The following EVL variants were observed in gnomAD, a reference collection of about 807,000 sequenced individuals.
The protein encoded by EVL is Enah/Vasp-like.
A neutral mutation model predicts 59.6 loss-of-function variants in EVL; 21 were observed. The observed-to-expected ratio is 0.35, with a 90% CI of 0.25 to 0.51. EVL has a LOEUF of 0.51. EVL is among the 20% of genes least tolerant of loss of function. The pLI is 0.97. For missense variants in EVL, 462 were observed against 546.6 expected (o/e 0.85, Z 1.54); for synonymous variants, 198 against 203.5 (o/e 0.97, Z 0.23).
chr14:100,141,693 C>T (rs1889178032), intron 12 of EVL, 43 bp from the exon 13 acceptor site: 1 of 1,602,330 alleles, frequency 6.2e-7, no homozygotes, highest in Non-Finnish European at 8.5e-7. Context: ...GCTTTTCCGT[C>T]TCCACTGCCT....
At chr14:100,066,441 T>C (rs1261931236) in intron 1 of EVL, 1 of 152,202 alleles carries the variant, frequency 6.6e-6, no homozygotes, top group Non-Finnish European at 1.5e-5. Flanking sequence ...GTTGGCCTCA[T>C]CCGGTGGTTT....
intron 3 of EVL, among the ~76,000 whole-genome samples, chr14:100,100,976 T>C (rs555567393): frequency 6.6e-6 from 1 of 152,184 alleles, no homozygotes; most frequent in Non-Finnish European, 1.5e-5. Context: ...TTTATGTGTA[T>C]GTATACTTTG....
At position 100,137,885 on chromosome 14, in the gene EVL, G is replaced by A. The variant is rs753732148; in HGVS notation, c.1094+83G>A. On this transcript the variant is annotated intron_variant, in intron 11 of 13. Transcript: ENST00000392920. ...CGTCCCGTGACTAACACCCTTGCAC[G>A]CTGTCTCACGTCCTGGCATTTAACA... 2.2e-5 allele frequency: 29 copies of A among 1,346,544 alleles called. No individual in the cohort carries two copies. In the East Asian group the frequency reaches 3.0e-4, roughly 14 times the overall value. 83.4% of individuals were successfully genotyped at this position (1,346,544 alleles called of 1,614,324 possible). A position where few individuals can be genotyped will look rare whatever the true frequency, so the allele number is the denominator to read the frequency against.
At chr14:100,025,950 A>G (rs1377657685) in intron 1 of EVL, among the ~76,000 whole-genome samples, 1 of 151,272 alleles carries the variant, frequency 6.6e-6, no homozygotes, top group East Asian at 2.0e-4. Flanking sequence ...AAACAAACAA[A>G]CAAACAAAAC....
chr14:100,012,320 C>A (rs1464940995), intron 1 of EVL, among the ~76,000 whole-genome samples: 2 of 152,182 alleles, frequency 1.3e-5, no homozygotes, highest in Non-Finnish European at 2.9e-5. Context: ...CTTCTTTGAC[C>A]TCTTCTCCCG....
At chr14:100,107,216 C>T (rs562342857) in intron 3 of EVL, 48 of 398,696 alleles carry the variant, frequency 1.2e-4, no homozygotes, top group East Asian at 3.9e-4. Flanking sequence ...CTAGAGTCAT[C>T]GTGTCATCGT....
intron 3 of EVL, among the ~76,000 whole-genome samples, chr14:100,119,006 G>A (rs2140359487): frequency 6.6e-6 from 1 of 152,332 alleles, no homozygotes; most frequent in East Asian, 1.9e-4. Context: ...CTGTCCTCCT[G>A]CAGCTCTTTG....
At chr14:100,143,313 T>C (rs890010107) in intron 13 of EVL, among the ~76,000 whole-genome samples, 1 of 151,804 alleles carries the variant, frequency 6.6e-6, no homozygotes, top group Admixed American at 6.6e-5. Flanking sequence ...GGGGAAGGGC[T>C]CCCGGGCCCC....
intron 2 of EVL, among the ~76,000 whole-genome samples, chr14:100,091,734 A>G (rs1175344908): frequency 1.3e-5 from 2 of 152,222 alleles, no homozygotes; most frequent in African/African-American, 2.4e-5. Context: ...GGCAGGGGTC[A>G]TGATAACCAT....
intron 9 of EVL, 128 bp downstream of exon 9, chr14:100,136,096 A>T: frequency 9.3e-7 from 1 of 1,080,500 alleles, no homozygotes; most frequent in Non-Finnish European, 1.4e-6. Context: ...GCCACAGGGA[A>T]GCCCATTTCT....
chr14:100,125,035 C>T (rs1465009821), intron 4 of EVL, among the ~76,000 whole-genome samples: 2 of 142,694 alleles, frequency 1.4e-5, no homozygotes, highest in African/African-American at 3.0e-5. Context: ...AAGATGAGAC[C>T]ACATGTGGAT....
At chr14:100,084,895 C>T (rs765557669) in intron 2 of EVL, 40 bp downstream of exon 2, 5 of 1,604,584 alleles carry the variant, frequency 3.1e-6, no homozygotes, top group Admixed American at 1.7e-5. Flanking sequence ...TGAGCCTGCG[C>T]ACCACCTCCT....
chr14:100,110,074 T>C (rs1268252864), intron 3 of EVL, among the ~76,000 whole-genome samples: 3 of 152,208 alleles, frequency 2.0e-5, no homozygotes, highest in Non-Finnish European at 4.4e-5. Flanking sequence ...AAAAAATTAT[T>C]TGCAAAGGTA....
intron 3 of EVL, among the ~76,000 whole-genome samples, chr14:100,102,876 T>G (rs764764021): frequency 2.0e-4 from 31 of 152,022 alleles, no homozygotes; most frequent in Non-Finnish European, 4.4e-4. Flanking sequence ...GGCGGGCGGA[T>G]CACAAGGTCA....
At chr14:100,007,805 C>G (rs1425194698) in intron 1 of EVL, among the ~76,000 whole-genome samples, 2 of 151,810 alleles carry the variant, frequency 1.3e-5, no homozygotes, top group African/African-American at 2.4e-5. Flanking sequence ...GAGAGACAGA[C>G]AGAGACAGAG....
At chr14:100,135,245 C>T (rs1888703509) in intron 8 of EVL, 1 of 152,188 alleles carries the variant, frequency 6.6e-6, no homozygotes, top group Non-Finnish European at 1.5e-5. Context: ...GCAGAGGAGA[C>T]AAAGCAAAGA....
intron 1 of EVL, among the ~76,000 whole-genome samples, chr14:100,069,499 C>T (rs1178414573): frequency 6.6e-6 from 1 of 152,196 alleles, no homozygotes. Context: ...TTCCAGTCCT[C>T]ACGGGCAAGT....
In EVL at chr14:100,113,194, C is replaced by G. The variant is rs371283315; in HGVS notation, c.359-10345C>G. On this transcript the variant is annotated intron_variant, in intron 3 of 13. Coordinates refer to ENST00000392920, the MANE Select transcript of EVL (RefSeq NM_016337.3). Reference sequence around the variant, plus strand: ...GGCAACGGCACAGAGGCATGTGAACCTAGTGCTGCCATCTTGGATGCATGC... The same window carrying G: ...GGCAACGGCACAGAGGCATGTGAACGTAGTGCTGCCATCTTGGATGCATGC... Among the ~76,000 whole-genome samples the G allele has an allele frequency of 1.9e-4, 29 of 152,178 alleles. No homozygotes were observed. The South Asian group carries it at 2.7e-3, about 14-fold the overall frequency.
upstream of EVL, chr14:100,065,279 T>C (rs191503414): frequency 3.4e-5 from 10 of 296,816 alleles, no homozygotes; most frequent in African/African-American, 1.8e-4. Context: ...GGCTCTGCAG[T>C]GTTAGCTTCT....
Sources: gnomAD v4.1 joint callset for allele counts (sites outside exome capture counted in the v4.1 genomes callset) on GRCh38, gnomAD v4.1.1 for gene constraint, MANE v1.5 for transcripts, NCBI Gene and HGNC (gene_info 2026-07-23, HGNC 2026-07-21) for gene names.